The following CA13 variants were observed in gnomAD, a reference collection of about 807,000 sequenced individuals.
CA13 encodes the protein carbonic anhydrase 13.
A neutral mutation model predicts 31.5 loss-of-function variants in CA13; 21 were observed. The ratio of observed to expected loss-of-function variants is 0.67; its 90% CI spans 0.47 to 0.96. The LOEUF is 0.96. Among genes scored for constraint, CA13 ranks in the 40% least tolerant of loss-of-function variants. CA13 has a pLI of 0.00. For synonymous variants in CA13, 117 were observed against 111.4 expected, an observed-to-expected ratio of 1.05 and a Z score of -0.32; for missense variants, 315 against 318.9, an observed-to-expected ratio of 0.99 and a Z score of 0.09.
At chr8:85,257,516 T>C (rs1587537061) in intron 2 of CA13, among the ~76,000 whole-genome samples, 1 of 150,098 alleles carries the variant, frequency 6.7e-6, no homozygotes, top group Non-Finnish European at 1.5e-5. Flanking sequence ...AGACCAGGAG[T>C]TTGAGACCAG....
Position 85,268,607 on chromosome 8 carries a change from A to T in CA13, c.649A>T (p.Ile217Leu). 1 of 1,613,348 alleles carries T rather than the reference A, an allele frequency of 6.2e-7. No homozygotes were observed. The highest frequency in any genetic ancestry group is 8.5e-7 in the Non-Finnish European group (1 of 1,179,872). ...CACATGGATTGTTTTAAAGCAACCT[A>T]TAAACATCAGCTCTCAACAGGTACA... ...SVTWIVLKQP[I>L]NISSQQLAKF... The change falls in exon 6 of 7, where the codon ATA becomes TTA. Residue 217 changes from isoleucine to leucine, a missense_variant. Ile to Leu is a conservative substitution (Grantham distance 5, BLOSUM62 2). Transcript: ENST00000321764.
intron 3 of CA13, among the ~76,000 whole-genome samples, 183 bp from the exon 4 acceptor site, chr8:85,266,425 T>G (rs1445359758): frequency 6.6e-6 from 1 of 152,214 alleles, no homozygotes; most frequent in Non-Finnish European, 1.5e-5. Context: ...ACTGTGATCC[T>G]TCACTGCATG....
At position 85,281,242 on chromosome 8, in the gene CA13, C is replaced by T. The variant is rs912405909; in HGVS notation, c.682C>T (p.Arg228Cys). ...NISSQQLAKF[R>C]SLLCTAEGEA... is the part of the protein sequence containing the mutation. Reference sequence around the variant, plus strand: ...TCTTCTTCTACAGCTGGCCAAATTTCGCAGTCTCCTGTGCACAGCGGAGGG... The same window carrying T: ...TCTTCTTCTACAGCTGGCCAAATTTTGCAGTCTCCTGTGCACAGCGGAGGG... Residue 228 changes from arginine (R) to cysteine (C), a missense_variant, in exon 7 of 7, where the codon CGC (arginine) becomes TGC (cysteine). Arg to Cys is a radical substitution (Grantham distance 180). Transcript: ENST00000321764. The T allele has an allele frequency of 9.9e-6, 16 of 1,613,200 alleles. No homozygotes were observed. The highest frequency in any genetic ancestry group is 4.5e-5 in the East Asian group (2 of 44,862).
At chr8:85,249,897 GA>G in intron 1 of CA13, 2 of 426,500 alleles carry the variant, frequency 4.7e-6, no homozygotes, top group African/African-American at 4.1e-5. Context: ...GAAGAGGATT[GA>G]AAAGGGAACT....
intron 3 of CA13, among the ~76,000 whole-genome samples, chr8:85,263,951 T>G (rs1357221119): frequency 6.6e-6 from 1 of 152,172 alleles, no homozygotes; most frequent in Non-Finnish European, 1.5e-5. Context: ...CATCATCAAG[T>G]TACGTTCCCT....
chr8:85,269,322 A>C lies in CA13; in HGVS notation c.669+695A>C, dbSNP rs112604615. Among the ~76,000 whole-genome samples the C allele has an allele frequency of 5.5e-3, 831 of 152,194 alleles. 8 individuals are homozygous for C. The highest frequency in any genetic ancestry group is 0.019 in the African/African-American group (777 of 41,510). ...CAAAAAGTAGCCAGGTGTGGTGTGC[A>C]TGCCTATAGTCCCAGCTACTCAAGG... On this transcript the variant is annotated intron_variant, in intron 6 of 6. Transcript: ENST00000321764.
At chr8:85,253,531 C>T (rs1807232085) in intron 2 of CA13, among the ~76,000 whole-genome samples, 1 of 152,204 alleles carries the variant, frequency 6.6e-6, no homozygotes, top group African/African-American at 2.4e-5. Context: ...TCCCAAAGTG[C>T]TGGGAGCCAC....
intron 1 of CA13, among the ~76,000 whole-genome samples, chr8:85,248,405 G>A (rs960523343): frequency 1.3e-5 from 2 of 151,464 alleles, no homozygotes; most frequent in Non-Finnish European, 2.9e-5. Flanking sequence ...TGCAGTGAGC[G>A]GAGATCACGC....
rs139111525 is a variant in CA13 at position 85,251,284 on chromosome 8, G to A, written c.235+347G>A. On this transcript the variant is annotated intron_variant, in intron 2 of 6. Transcript: ENST00000321764. ...CCCAAAGTGCTGGGATTACAGGCGT[G>A]AGCCACCGCACCCAGAATACACTCT... Among the ~76,000 whole-genome samples, 10 of 152,268 alleles carry A rather than the reference G, an allele frequency of 6.6e-5. No individual in the cohort carries two copies. In the East Asian group the frequency reaches 1.9e-3, roughly 29 times the overall value.
Position 85,245,681 on chromosome 8 carries a change from G to C in CA13, c.-148G>C, listed in dbSNP as rs1054494405. 13 of 846,322 alleles carry C rather than the reference G, an allele frequency of 1.5e-5. No homozygotes were observed. Among genetic ancestry groups the C allele is most frequent in the Non-Finnish European group, 2.5e-5 (13 of 527,406 alleles). 52.4% of individuals were successfully genotyped at this position (846,322 alleles called of 1,614,324 possible). ...TGCCGTCTGGAGGACGCAGGCGGGA[G>C]CGCCCCGGACCGGGTTCACGGTCTC... On this transcript the variant is annotated 5_prime_UTR_variant, in exon 1 of 7. Coordinates refer to ENST00000321764, the MANE Select transcript of CA13 (RefSeq NM_198584.3).
intron 3 of CA13, among the ~76,000 whole-genome samples, chr8:85,262,932 A>T (rs942018663): frequency 2.0e-5 from 3 of 152,156 alleles, no homozygotes; most frequent in Admixed American, 6.6e-5. Context: ...GTGGGGTGGG[A>T]GAGGTAGACA....
intron 2 of CA13, among the ~76,000 whole-genome samples, chr8:85,252,419 A>G (rs779343903): frequency 3.5e-5 from 4 of 113,390 alleles, no homozygotes; most frequent in Non-Finnish European, 7.8e-5. Flanking sequence ...TTTACTGTAT[A>G]TTCCCTATTA....
intron 2 of CA13, among the ~76,000 whole-genome samples, chr8:85,255,190 C>T (rs900545086): frequency 2.0e-5 from 3 of 151,848 alleles, no homozygotes; most frequent in Non-Finnish European, 2.9e-5. Flanking sequence ...AGCCATAACT[C>T]ATTGAAGCCC....
intron 6 of CA13, among the ~76,000 whole-genome samples, chr8:85,271,315 G>C (rs1424990288): frequency 1.3e-5 from 2 of 152,206 alleles, no homozygotes; most frequent in Non-Finnish European, 2.9e-5. Context: ...TGAATACTAA[G>C]TGTAGTGTTT....
intron 2 of CA13, among the ~76,000 whole-genome samples, chr8:85,253,595 G>C (rs1209763387): frequency 6.6e-6 from 1 of 152,196 alleles, no homozygotes; most frequent in South Asian, 2.1e-4. Flanking sequence ...AATGCATAAA[G>C]ACAAATAAAT....
At chr8:85,255,085 TTCCC>T (rs1807271233) in intron 2 of CA13, among the ~76,000 whole-genome samples, 1 of 151,778 alleles carries the variant, frequency 6.6e-6, no homozygotes, top group Admixed American at 6.6e-5. Context: ...TGTGAAATTT[TTCCC>T]TTCCTTCCTC....
chr8:85,248,564 A>G (rs1389712076), intron 1 of CA13, among the ~76,000 whole-genome samples: 2 of 151,782 alleles, frequency 1.3e-5, no homozygotes, highest in African/African-American at 4.8e-5. Flanking sequence ...GTTCCAGACT[A>G]GCCTGCAGGG....
At chr8:85,266,822 C>A in intron 4 of CA13, 119 bp downstream of exon 4, 1 of 662,042 alleles carries the variant, frequency 1.5e-6, no homozygotes, top group South Asian at 2.3e-5. Flanking sequence ...GTAGCAGTTT[C>A]CTTTTGAAAT....
At chr8:85,270,621 A>C (rs925190568) in intron 6 of CA13, among the ~76,000 whole-genome samples, 12 of 152,224 alleles carry the variant, frequency 7.9e-5, no homozygotes, top group African/African-American at 2.9e-4. Context: ...AATAATATTA[A>C]GAGTGAATAA....
Sources: gnomAD v4.1 joint callset for allele counts (sites outside exome capture counted in the v4.1 genomes callset) on GRCh38, gnomAD v4.1.1 for gene constraint, MANE v1.5 for transcripts, NCBI Gene and HGNC (gene_info 2026-07-23, HGNC 2026-07-21) for gene names.